The following IGSF3 variants were observed in gnomAD, a reference collection of about 807,000 sequenced individuals.
IGSF3 encodes the protein glu-Trp-Ile EWI motif-containing protein 3.
A neutral mutation model predicts 114.4 loss-of-function variants in IGSF3; 23 were observed. The observed-to-expected ratio is 0.20, with a 90% CI of 0.14 to 0.28. The LOEUF (loss-of-function observed/expected upper bound fraction) is 0.28. IGSF3 is among the 10% of genes least tolerant of loss of function. The pLI, the probability that IGSF3 is intolerant of heterozygous loss-of-function variation, is 1.00. For missense variants in IGSF3, 1,172 were observed against 1,591.5 expected (o/e 0.74, Z 4.48); for synonymous variants, 571 against 645.2 (o/e 0.88, Z 1.74).
In IGSF3 at chr1:116,666,340, A is replaced by G. The variant is rs368608147; in HGVS notation, c.-14T>C. On this transcript the variant is annotated 5_prime_UTR_variant, in exon 2 of 11. Coordinates refer to ENST00000369486, the MANE Select transcript of IGSF3 (RefSeq NM_001007237.3). ...AAAGCACTTCATGTCGGCAGCCTCC[A>G]GGAGACACAACACAAGGCGCTTCCT... 1.9e-5 allele frequency: 31 copies of G among 1,613,856 alleles called. No homozygotes were observed. Among genetic ancestry groups the G allele is most frequent in the Non-Finnish European group, 2.5e-5 (29 of 1,179,824 alleles).
intron 10 of IGSF3, among the ~76,000 whole-genome samples, chr1:116,578,334 C>T (rs370417815): frequency 2.0e-5 from 3 of 152,198 alleles, no homozygotes; most frequent in East Asian, 3.9e-4. Context: ...GCTTTGTTTT[C>T]GCTTTGAGGC....
chr1:116,588,497 G>A lies in IGSF3; in HGVS notation c.2440+197C>T, dbSNP rs61789237. On this transcript the variant is annotated intron_variant, in intron 8 of 10. Transcript: ENST00000369486. This position sits in a 1 kb window ranked among gnomAD's most constrained non-coding sequence, Gnocchi z 4.9. Reference sequence around the variant, plus strand: ...TCAAGGATGCTTCCATGAGTCTGCCGTCAGCATCAGGACCCACTGCAGGTA... The same window carrying A: ...TCAAGGATGCTTCCATGAGTCTGCCATCAGCATCAGGACCCACTGCAGGTA... 3.3e-5 allele frequency among the ~76,000 whole-genome samples: 5 copies of A among 152,150 alleles called. No individual in the cohort carries two copies. The highest frequency in any genetic ancestry group is 9.7e-5 in the African/African-American group (4 of 41,424).
chr1:116,650,031 A>G lies in IGSF3; in HGVS notation c.43+16253T>C, dbSNP rs1324981293. Among the ~76,000 whole-genome samples, 3 of 152,106 alleles carry G rather than the reference A, an allele frequency of 2.0e-5. No homozygotes were observed. Among genetic ancestry groups the G allele is most frequent in the Admixed American group, 2.0e-4 (3 of 15,276 alleles). Reference sequence around the variant, plus strand: ...CAATCTCCTCACTCAACTCTTTCCTACCAACTTGCTTTCCCCTCTCCTTTC... The same window carrying G: ...CAATCTCCTCACTCAACTCTTTCCTGCCAACTTGCTTTCCCCTCTCCTTTC... On this transcript the variant is annotated intron_variant, in intron 2 of 10. Transcript: ENST00000369486. This position sits in a 1 kb window ranked among gnomAD's most constrained non-coding sequence, Gnocchi z 5.0.
chr1:116,606,664 G>C lies in IGSF3; in HGVS notation c.1222+1278C>G, dbSNP rs1360542471. The C allele has an allele frequency of 6.3e-6, 4 of 634,658 alleles. No individual in the cohort carries two copies. In the African/African-American group the frequency reaches 7.4e-5, roughly 12 times the overall value. The allele number at this position is 634,658 out of a possible 1,614,324, so 39.3% of individuals were successfully genotyped here. A position where few individuals can be genotyped will look rare whatever the true frequency, so the allele number is the denominator to read the frequency against. On this transcript the variant is annotated intron_variant, in intron 5 of 10. Coordinates refer to ENST00000369486, the MANE Select transcript of IGSF3 (RefSeq NM_001007237.3). ...TAAACAGCGTGGCTGCCCTTCACTT[G>C]ATCCTTAGAAAACAATGAGGAATTA...
intron 2 of IGSF3, among the ~76,000 whole-genome samples, chr1:116,652,435 T>C (rs1269446317): frequency 6.6e-6 from 1 of 152,380 alleles, no homozygotes; most frequent in East Asian, 1.9e-4. Context: ...ATTTTACTAA[T>C]TCAAACTAAT....
intron 7 of IGSF3, among the ~76,000 whole-genome samples, chr1:116,591,425 A>C (rs1262525264): frequency 1.3e-5 from 2 of 152,252 alleles, no homozygotes; most frequent in African/African-American, 2.4e-5. Context: ...TGCAACTGTT[A>C]CTAAGGAAAC....
chr1:116,587,206 A>ATG (rs1351056589), intron 8 of IGSF3, among the ~76,000 whole-genome samples: 8 of 152,080 alleles, frequency 5.3e-5, no homozygotes, highest in South Asian at 2.1e-4. Context: ...TAGAAAACAA[A>ATG]TGTGTGTGTG....
intron 2 of IGSF3, among the ~76,000 whole-genome samples, chr1:116,641,495 CAAAAA>C (rs57930787): frequency 0.032 from 1,283 of 40,648 alleles, 9 homozygotes; most frequent in African/African-American, 0.11. Context: ...GACTCTGTCT[CAAAAA>C]AAAAAAAAAA....
chr1:116,578,080 G>A (rs576623008), intron 10 of IGSF3, among the ~76,000 whole-genome samples: 4 of 152,298 alleles, frequency 2.6e-5, no homozygotes, highest in South Asian at 4.1e-4. Flanking sequence ...ACTTACAAAC[G>A]TCCACAGTGT....
chr1:116,591,973 C>A (rs1660131781), intron 7 of IGSF3, among the ~76,000 whole-genome samples: 1 of 152,204 alleles, frequency 6.6e-6, no homozygotes, highest in Admixed American at 6.5e-5. Context: ...ATAACAAACA[C>A]CCAGTGAATT....
At position 116,586,229 on chromosome 1, in the gene IGSF3, G is replaced by A. The variant is rs529737565; in HGVS notation, c.2441-1177C>T. On this transcript the variant is annotated intron_variant, in intron 8 of 10. Coordinates refer to ENST00000369486, the MANE Select transcript of IGSF3 (RefSeq NM_001007237.3). ...TCATGATTACTTTTGTAATTAAAAA[G>A]TCAGAAAATATAAAATAACAAAATA... Among the ~76,000 whole-genome samples the A allele has an allele frequency of 9.2e-4, 140 of 152,286 alleles. 2 individuals are homozygous for A. Among genetic ancestry groups the A allele is most frequent in the African/African-American group, 3.3e-3 (136 of 41,556 alleles).
intron 5 of IGSF3, 113 bp from the exon 6 acceptor site, chr1:116,604,138 C>G: frequency 1.0e-6 from 1 of 984,818 alleles, no homozygotes. Flanking sequence ...GTACGGTGAG[C>G]CTCAGAGGGT....
chr1:116,586,487 AAG>A (rs1161724976), intron 8 of IGSF3, among the ~76,000 whole-genome samples: 2 of 152,182 alleles, frequency 1.3e-5, no homozygotes, highest in African/African-American at 4.8e-5. Flanking sequence ...AAAAAGAAGA[AAG>A]AAAACAACAC....
rs779187237 is a variant in IGSF3, at chr1:116,644,729, C to T, written c.43+21555G>A. ...GCCCTGTGTGATGAAAGGACCTCCT[C>T]AGGAAACCTCCCCACCAGCAACTGG... On this transcript the variant is annotated intron_variant, in intron 2 of 10. Coordinates refer to ENST00000369486, the MANE Select transcript of IGSF3 (RefSeq NM_001007237.3). The surrounding 1 kb of genome is among the most constrained non-coding windows in gnomAD (Gnocchi z 5.6). Among the ~76,000 whole-genome samples, 1 of 152,198 alleles carries T rather than the reference C, an allele frequency of 6.6e-6. No homozygotes were observed. Among genetic ancestry groups the T allele is most frequent in the Non-Finnish European group, 1.5e-5 (1 of 68,040 alleles).
rs2101506496 is a variant in IGSF3, at chr1:116,616,619, T to G, written c.44-162A>C. 6.6e-6 allele frequency among the ~76,000 whole-genome samples: 1 copy of G among 152,354 alleles called. No individual in the cohort carries two copies. Among genetic ancestry groups the G allele is most frequent in the African/African-American group, 2.4e-5 (1 of 41,580 alleles). On this transcript the variant is annotated intron_variant, in intron 2 of 10. Coordinates refer to ENST00000369486, the MANE Select transcript of IGSF3 (RefSeq NM_001007237.3). This position sits in a 1 kb window ranked among gnomAD's most constrained non-coding sequence, Gnocchi z 6.6. The stretch of plus-strand genomic sequence containing the variant: ...CGCTTTGTGATTTATAAATATTAAT[T>G]AAAACACTCTGTGGTAAAGCACTGT...
Position 116,614,045 on chromosome 1 carries a change from G to A in IGSF3, c.552C>T (p.Leu184=), listed in dbSNP as rs563635961. The A allele has an allele frequency of 9.3e-6, 15 of 1,614,166 alleles. No individual in the cohort carries two copies. In the East Asian group the frequency reaches 2.9e-4, roughly 31 times the overall value. ...IQHSHLSVAW[L]RQKVGEKPVE... ...CGGGCTTCTCGCCAACTTTCTGCCGGAGCCAGGCCACAGACAGGTGGCTGT... is the reference window on the plus strand; with the variant it reads ...CGGGCTTCTCGCCAACTTTCTGCCGAAGCCAGGCCACAGACAGGTGGCTGT... Residue 184 remains leucine, a synonymous_variant, in exon 4 of 11, where the codon CTC becomes CTT. Coordinates refer to ENST00000369486, the MANE Select transcript of IGSF3 (RefSeq NM_001007237.3). The surrounding 1 kb of genome is among the most constrained non-coding windows in gnomAD (Gnocchi z 4.5).
At position 116,605,506 on chromosome 1, in the gene IGSF3, G is replaced by C. The variant is rs978718126; in HGVS notation, c.1223-1481C>G. On this transcript the variant is annotated intron_variant, in intron 5 of 10. Coordinates refer to ENST00000369486, the MANE Select transcript of IGSF3 (RefSeq NM_001007237.3). This position sits in a 1 kb window ranked among gnomAD's most constrained non-coding sequence, Gnocchi z 5.1. Reference sequence around the variant, plus strand: ...CAGGATGATTCATAGAGATGATCAGGCTCCTGAACAGTCACCATCTATAGC... The same window carrying C: ...CAGGATGATTCATAGAGATGATCAGCCTCCTGAACAGTCACCATCTATAGC... 6.6e-6 allele frequency among the ~76,000 whole-genome samples: 1 copy of C among 152,114 alleles called. No individual in the cohort carries two copies. The highest frequency in any genetic ancestry group is 1.5e-5 in the Non-Finnish European group (1 of 68,032).
chr1:116,628,681 T>TG lies in IGSF3; in HGVS notation c.44-12225dup, dbSNP rs1042708979. 2.0e-5 allele frequency among the ~76,000 whole-genome samples: 3 copies of TG among 152,176 alleles called. No individual in the cohort carries two copies. The highest frequency in any genetic ancestry group is 7.2e-5 in the African/African-American group (3 of 41,424). ...ATACTGAGAGCACTGACACTGCTTC[T>TG]GGGGGTTTTCCCAAGCACGTGTTAC... On this transcript the variant is annotated intron_variant, in intron 2 of 10. Transcript: ENST00000369486. The surrounding 1 kb of genome is among the most constrained non-coding windows in gnomAD (Gnocchi z 4.2).
intron 2 of IGSF3, among the ~76,000 whole-genome samples, chr1:116,663,115 A>C (rs942781854): frequency 6.6e-6 from 1 of 152,226 alleles, no homozygotes. Context: ...AAAGCTATTT[A>C]ATCTTGTTTG....
Sources: allele counts gnomAD v4.1 joint callset (sites outside exome capture counted in the v4.1 genomes callset), GRCh38; gene constraint gnomAD v4.1.1; non-coding constraint Gnocchi (gnomAD v3.1); transcripts MANE v1.5; gene names NCBI Gene and HGNC (gene_info 2026-07-23, HGNC 2026-07-21).